Variants in PKIA observed in about 807,000 individuals in gnomAD.
The protein encoded by PKIA is PKI-alpha.
A neutral mutation model predicts 7.6 loss-of-function variants in PKIA; 4 were observed. The observed-to-expected ratio is 0.52, with a 90% CI of 0.26 to 1.20. The LOEUF (loss-of-function observed/expected upper bound fraction) is 1.20. PKIA is among the 50% of genes most tolerant of loss of function. PKIA has a pLI of 0.13. For synonymous variants in PKIA, 21 were observed against 30.7 expected (o/e 0.68, Z 1.04); for missense variants, 73 against 86.2 (o/e 0.85, Z 0.61).
At chr8:78,557,873 CT>C (rs1016009756) in intron 1 of PKIA, among the ~76,000 whole-genome samples, 4 of 151,286 alleles carry the variant, frequency 2.6e-5, no homozygotes, top group Non-Finnish European at 5.9e-5. Context: ...CTGTGTTTCC[CT>C]GTAACATTTT....
chr8:78,593,818 C>A (rs1045409012), intron 2 of PKIA, among the ~76,000 whole-genome samples: 2 of 152,128 alleles, frequency 1.3e-5, no homozygotes, highest in African/African-American at 4.8e-5. Flanking sequence ...TGAATATGGG[C>A]AGATCACTTG....
chr8:78,555,460 C>A (rs1418428139), intron 1 of PKIA, among the ~76,000 whole-genome samples: 3 of 152,008 alleles, frequency 2.0e-5, no homozygotes, highest in Admixed American at 2.0e-4. Flanking sequence ...GGCATCAGAA[C>A]TTTTTGGCTT....
In PKIA at chr8:78,572,831, C is replaced by CTG. The variant is rs1388728470; in HGVS notation, c.-136_-135insTG. ...TTCAGTTTCCTGACTTTCTGAGAAG[C>CTG]CCTGGTTTCCCCAAAGAAGTGATTT... On this transcript the variant is annotated 5_prime_UTR_variant, in exon 2 of 4. Coordinates refer to ENST00000396418, the MANE Select transcript of PKIA (RefSeq NM_006823.4). The CTG allele has an allele frequency of 6.6e-6, 1 of 151,880 alleles. No individual in the cohort carries two copies. The highest frequency in any genetic ancestry group is 1.5e-5 in the Non-Finnish European group (1 of 67,970). The allele number at this position is 151,880 out of a possible 1,614,324, so 9.4% of individuals were successfully genotyped here.
At chr8:78,560,918 C>G (rs1265360400) in intron 1 of PKIA, among the ~76,000 whole-genome samples, 2 of 152,182 alleles carry the variant, frequency 1.3e-5, no homozygotes, top group African/African-American at 4.8e-5. Flanking sequence ...TAGTAAGCTG[C>G]AAAACCTAAA....
At chr8:78,595,538 G>A (rs989327023) in intron 2 of PKIA, among the ~76,000 whole-genome samples, 2 of 152,020 alleles carry the variant, frequency 1.3e-5, no homozygotes, top group African/African-American at 4.8e-5. Flanking sequence ...TATTACCCAG[G>A]TAATAAGCAT....
At chr8:78,517,391 G>C (rs1029319899) in intron 1 of PKIA, among the ~76,000 whole-genome samples, 5 of 152,172 alleles carry the variant, frequency 3.3e-5, no homozygotes, top group African/African-American at 1.2e-4. Context: ...TGTTCCCTAT[G>C]CATAGGCATA....
chr8:78,562,809 G>A (rs574774465), intron 1 of PKIA, among the ~76,000 whole-genome samples: 15 of 149,824 alleles, frequency 1.0e-4, no homozygotes, highest in Non-Finnish European at 1.9e-4. Context: ...TTAAGAGCAA[G>A]GACTTTGTGT....
At chr8:78,533,863 CAA>C (rs1806451945) in intron 1 of PKIA, 1 of 151,924 alleles carries the variant, frequency 6.6e-6, no homozygotes, top group African/African-American at 2.4e-5. Flanking sequence ...AACAAACAAA[CAA>C]AAAGACACAA....
At chr8:78,566,392 T>G (rs1057468630) in intron 1 of PKIA, among the ~76,000 whole-genome samples, 1 of 152,088 alleles carries the variant, frequency 6.6e-6, no homozygotes, top group African/African-American at 2.4e-5. Flanking sequence ...ATATTATACT[T>G]CTGGGTAAAA....
chr8:78,594,806 A>G (rs1808192429), intron 2 of PKIA, among the ~76,000 whole-genome samples: 1 of 152,206 alleles, frequency 6.6e-6, no homozygotes, highest in Non-Finnish European at 1.5e-5. Flanking sequence ...AAAAGAAAGA[A>G]TGGTGATTAC....
At position 78,530,724 on chromosome 8, in the gene PKIA, A is replaced by G. The variant is rs142232853; in HGVS notation, c.-157+14256A>G. Among the ~76,000 whole-genome samples the G allele has an allele frequency of 4.3e-3, 653 of 152,182 alleles. 2 individuals are homozygous for G. The highest frequency in any genetic ancestry group is 0.015 in the African/African-American group (628 of 41,562). On this transcript the variant is annotated intron_variant, in intron 1 of 3. Transcript: ENST00000396418. ...TTGATTATACACACACACATTTACT[A>G]GTTCTAATTTAAGTAGTAAGTTTTG...
intron 1 of PKIA, among the ~76,000 whole-genome samples, chr8:78,532,894 G>C (rs1359790436): frequency 6.6e-6 from 1 of 152,074 alleles, no homozygotes; most frequent in African/African-American, 2.4e-5. Context: ...CTGGGTGACA[G>C]AGCAACAGAG....
chr8:78,558,402 A>C (rs1205170850), intron 1 of PKIA: 1 of 153,686 alleles, frequency 6.5e-6, no homozygotes, highest in African/African-American at 2.4e-5. Flanking sequence ...CTGGGAAGAA[A>C]AAGAGGCTTA....
At chr8:78,564,474 C>A (rs2118528608) in intron 1 of PKIA, among the ~76,000 whole-genome samples, 1 of 151,982 alleles carries the variant, frequency 6.6e-6, no homozygotes, top group African/African-American at 2.4e-5. Context: ...ACATGAGGGT[C>A]CAGTTGATTA....
At chr8:78,576,580 T>C (rs541307465) in intron 2 of PKIA, among the ~76,000 whole-genome samples, 1 of 152,098 alleles carries the variant, frequency 6.6e-6, no homozygotes, top group East Asian at 1.9e-4. Context: ...AAAAAATAGA[T>C]GTAAATAAAA....
Position 78,604,058 on chromosome 8 carries a change from A to G in PKIA, c.*2237A>G, listed in dbSNP as rs1808417668. ...ATTTTCTAAAATGTCCACATCCTAT[A>G]CATTTTGCTTATTCATGGCATCTTT... On this transcript the variant is annotated 3_prime_UTR_variant, in exon 4 of 4. Coordinates refer to ENST00000396418, the MANE Select transcript of PKIA (RefSeq NM_006823.4). The G allele has an allele frequency of 6.6e-6, 1 of 151,974 alleles. No individual in the cohort carries two copies. The highest frequency in any genetic ancestry group is 2.4e-5 in the African/African-American group (1 of 41,406). The allele number at this position is 151,974 out of a possible 1,614,324, so 9.4% of individuals were successfully genotyped here. A position where few individuals can be genotyped will look rare whatever the true frequency, so the allele number is the denominator to read the frequency against.
At chr8:78,557,959 A>G (rs996526031) in intron 1 of PKIA, among the ~76,000 whole-genome samples, 4 of 152,210 alleles carry the variant, frequency 2.6e-5, no homozygotes, top group Non-Finnish European at 5.9e-5. Flanking sequence ...TTATAAATGT[A>G]AATTAGACTC....
rs926476665 is a variant in PKIA, at chr8:78,603,675, C to A, written c.*1854C>A. 2 of 151,794 alleles carry A rather than the reference C, an allele frequency of 1.3e-5. No individual in the cohort carries two copies. The highest frequency in any genetic ancestry group is 2.9e-5 in the Non-Finnish European group (2 of 67,902). 9.4% of individuals were successfully genotyped at this position (151,794 alleles called of 1,614,324 possible). A position where few individuals can be genotyped will look rare whatever the true frequency, so the allele number is the denominator to read the frequency against. ...GTTCCTAGGGTTATTTTAGGCAATC[C>A]CTGGTAAACTGTTTAAACCATCAAA... On this transcript the variant is annotated 3_prime_UTR_variant, in exon 4 of 4. Coordinates refer to ENST00000396418, the MANE Select transcript of PKIA (RefSeq NM_006823.4).
intron 1 of PKIA, among the ~76,000 whole-genome samples, chr8:78,526,346 AAAGT>A (rs1172049790): frequency 6.6e-6 from 1 of 152,056 alleles, no homozygotes; most frequent in African/African-American, 2.4e-5. Flanking sequence ...TCACCTGGCA[AAAGT>A]CAATTGGCTA....
Sources: allele counts gnomAD v4.1 joint callset (sites outside exome capture counted in the v4.1 genomes callset), GRCh38; gene constraint gnomAD v4.1.1; transcripts MANE v1.5; gene names NCBI Gene and HGNC (gene_info 2026-07-23, HGNC 2026-07-21).